The following STK32B variants were observed in gnomAD, a reference collection of about 807,000 sequenced individuals.
The protein encoded by STK32B is serine/threonine kinase 32B, also known as serine/threonine-protein kinase 32B.
A neutral mutation model predicts 52.6 loss-of-function variants in STK32B; 43 were observed. The ratio of observed to expected loss-of-function variants is 0.82; its 90% CI spans 0.64 to 1.05. STK32B has a LOEUF of 1.05. Among genes scored for constraint, STK32B ranks in the 50% least tolerant of loss-of-function variants. STK32B has a pLI of 0.00. For synonymous variants in STK32B, 238 were observed against 204.3 expected, an observed-to-expected ratio of 1.17 and a Z score of -1.41; for missense variants, 621 against 534.6, an observed-to-expected ratio of 1.16 and a Z score of -1.59.
chr4:5,260,450 C>A (rs1726637561), intron 3 of STK32B, among the ~76,000 whole-genome samples: 1 of 152,156 alleles, frequency 6.6e-6, no homozygotes, highest in Non-Finnish European at 1.5e-5. Flanking sequence ...CTCGCAGAGA[C>A]ACAGACAGGC....
chr4:5,332,777 G>A (rs1318975194), intron 4 of STK32B, among the ~76,000 whole-genome samples: 1 of 152,160 alleles, frequency 6.6e-6, no homozygotes, highest in East Asian at 1.9e-4. Flanking sequence ...ATAGTTTACT[G>A]AGAATGATGA....
intron 3 of STK32B, among the ~76,000 whole-genome samples, chr4:5,301,809 C>T (rs1213716307): frequency 2.1e-5 from 3 of 143,424 alleles, no homozygotes; most frequent in South Asian, 2.2e-4. Flanking sequence ...ATGCTCTAAT[C>T]TTTGTCATTT....
intron 4 of STK32B, among the ~76,000 whole-genome samples, chr4:5,392,112 T>C (rs1434180657): frequency 6.6e-6 from 1 of 152,190 alleles, no homozygotes; most frequent in Non-Finnish European, 1.5e-5. Flanking sequence ...AATGATAAGT[T>C]TCCTGAAATG....
intron 3 of STK32B, among the ~76,000 whole-genome samples, chr4:5,306,624 T>G (rs1729942889): frequency 6.6e-6 from 1 of 152,218 alleles, no homozygotes; most frequent in African/African-American, 2.4e-5. Context: ...ATGGAGCATT[T>G]AGGCCATTCA....
chr4:5,021,462 C>A, the STK32B span, among the ~76,000 whole-genome samples: 1 of 152,206 alleles, frequency 6.6e-6, no homozygotes, highest in African/African-American at 2.4e-5. Context: ...GTGCCTGGGG[C>A]ATGGGCCTCC....
chr4:5,306,126 G>A (rs1729911453), intron 3 of STK32B, among the ~76,000 whole-genome samples: 2 of 152,054 alleles, frequency 1.3e-5, no homozygotes, highest in Non-Finnish European at 2.9e-5. Context: ...GGTCTATCAT[G>A]TGGTCTATCT....
chr4:5,091,614 C>A (rs568944925), intron 1 of STK32B, among the ~76,000 whole-genome samples: 4 of 152,040 alleles, frequency 2.6e-5, no homozygotes, highest in Non-Finnish European at 5.9e-5. Context: ...TTATACATTG[C>A]TAGTGGGAAT....
At chr4:5,451,628 G>A (rs930927803) in intron 7 of STK32B, among the ~76,000 whole-genome samples, 22 of 152,094 alleles carry the variant, frequency 1.4e-4, no homozygotes, top group Admixed American at 1.0e-3. Flanking sequence ...TCTCCACCTC[G>A]GCACTATGGA....
intron 3 of STK32B, among the ~76,000 whole-genome samples, chr4:5,175,655 C>T (rs140419236): frequency 0.012 from 1,781 of 152,308 alleles, 34 homozygotes; most frequent in African/African-American, 0.04. Context: ...CTGATCGTTC[C>T]TCTGGAAGTT....
At chr4:5,327,703 G>T (rs148557970) in intron 3 of STK32B, among the ~76,000 whole-genome samples, 3 of 152,074 alleles carry the variant, frequency 2.0e-5, no homozygotes, top group Non-Finnish European at 4.4e-5. Flanking sequence ...TAAGGGCCCT[G>T]GTATTTTCAA....
intron 9 of STK32B, among the ~76,000 whole-genome samples, chr4:5,463,000 G>A (rs184114224): frequency 5.3e-5 from 8 of 152,304 alleles, no homozygotes; most frequent in African/African-American, 7.2e-5. Context: ...CTCTTCTGCC[G>A]TCTCTGTGAC....
At chr4:5,219,951 A>G (rs1309913779) in intron 3 of STK32B, among the ~76,000 whole-genome samples, 1 of 152,244 alleles carries the variant, frequency 6.6e-6, no homozygotes, top group East Asian at 1.9e-4. Context: ...AGGATAATTC[A>G]TAGCTAAAGG....
In STK32B at chr4:5,400,447, C is replaced by T. The variant is rs186471346; in HGVS notation, c.472+2203C>T. ...CCAGCCCTGCCTTCTGGCTATGCAGCACCCCACACACTCCCCAAGTGCCCC... is the reference window on the plus strand; with the variant it reads ...CCAGCCCTGCCTTCTGGCTATGCAGTACCCCACACACTCCCCAAGTGCCCC... On this transcript the variant is annotated intron_variant, in intron 5 of 11. Coordinates refer to ENST00000282908, the MANE Select transcript of STK32B (RefSeq NM_018401.3). This position sits in a 1 kb window ranked among gnomAD's most constrained non-coding sequence, Gnocchi z 6.1. Among the ~76,000 whole-genome samples, 2 of 152,270 alleles carry T rather than the reference C, an allele frequency of 1.3e-5. No individual in the cohort carries two copies. The highest frequency in any genetic ancestry group is 4.8e-5 in the African/African-American group (2 of 41,556).
rs916556298 is a variant in STK32B at position 5,051,613 on chromosome 4, G to C, written c.-251G>C. The C allele has an allele frequency of 2.0e-6, 1 of 501,740 alleles. No homozygotes were observed. The highest frequency in any genetic ancestry group is 3.5e-6 in the Non-Finnish European group (1 of 289,552). The allele number at this position is 501,740 out of a possible 1,614,324, so 31.1% of individuals were successfully genotyped here. A position where few individuals can be genotyped will look rare whatever the true frequency, so the allele number is the denominator to read the frequency against. ...CGGGCACTGGAGTAAGGAGCTGCGA[G>C]CGCAGCCCGAGGCGGGGCACGGCGG... On this transcript the variant is annotated 5_prime_UTR_variant, in exon 1 of 12. Coordinates refer to ENST00000282908, the MANE Select transcript of STK32B (RefSeq NM_018401.3).
intron 6 of STK32B, among the ~76,000 whole-genome samples, chr4:5,436,886 C>T (rs990961257): frequency 2.0e-5 from 3 of 152,174 alleles, no homozygotes; most frequent in Admixed American, 6.5e-5. Flanking sequence ...CCCTTCAGCC[C>T]TGCGATGTTG....
At chr4:5,341,604 G>T (rs1733080544) in intron 4 of STK32B, among the ~76,000 whole-genome samples, 1 of 152,186 alleles carries the variant, frequency 6.6e-6, no homozygotes, top group Non-Finnish European at 1.5e-5. Context: ...TGCTATATTA[G>T]GCTGTTCTTG....
At chr4:5,181,329 G>GACACACATACACACACACACACACAC (rs777338742) in intron 3 of STK32B, among the ~76,000 whole-genome samples, 13 of 138,122 alleles carry the variant, frequency 9.4e-5, no homozygotes, top group African/African-American at 3.4e-4. Flanking sequence ...TGGAGAGTGA[G>GACACACATACACACACACACACACAC]ACACACACAC....
intron 3 of STK32B, among the ~76,000 whole-genome samples, chr4:5,182,629 T>C (rs1720449189): frequency 6.6e-6 from 1 of 152,068 alleles, no homozygotes; most frequent in South Asian, 2.1e-4. Flanking sequence ...GCCTGGCTAT[T>C]TGTATTTTTA....
Position 5,386,244 on chromosome 4 carries a change from T to C in STK32B, c.435-11963T>C, listed in dbSNP as rs1736250138. On this transcript the variant is annotated intron_variant, in intron 4 of 11. Coordinates refer to ENST00000282908, the MANE Select transcript of STK32B (RefSeq NM_018401.3). The surrounding 1 kb of genome is among the most constrained non-coding windows in gnomAD (Gnocchi z 4.5). ...GTATCATATTATGCAGTTTTATCTT[T>C]GACTGTCTCTTGTTTTCTTAGCTCC... is the stretch of plus-strand genomic sequence containing the variant. 2.0e-5 allele frequency among the ~76,000 whole-genome samples: 3 copies of C among 152,096 alleles called. No homozygotes were observed. Among genetic ancestry groups the C allele is most frequent in the Admixed American group, 2.0e-4 (3 of 15,272 alleles).
Sources: gnomAD v4.1 joint callset for allele counts (sites outside exome capture counted in the v4.1 genomes callset) on GRCh38, gnomAD v4.1.1 for gene constraint, Gnocchi (gnomAD v3.1) non-coding constraint, MANE v1.5 for transcripts, NCBI Gene and HGNC (gene_info 2026-07-23, HGNC 2026-07-21) for gene names.